The following SEMA3D variants were observed in gnomAD, a reference collection of about 807,000 sequenced individuals.
SEMA3D encodes semaphorin 3D.
In SEMA3D, 84 loss-of-function variants were observed where a neutral mutation model predicts 100.1. The observed-to-expected ratio is 0.84, with a 90% CI of 0.70 to 1.01. The LOEUF is 1.01. SEMA3D is among the 50% of genes least tolerant of loss of function. The pLI is 0.00. For missense variants in SEMA3D, 875 were observed against 934.1 expected (o/e 0.94, Z 0.82); for synonymous variants, 312 against 320.7 (o/e 0.97, Z 0.29).
chr7:85,012,750 T>C (rs1201980844), intron 17 of SEMA3D, 32 bp downstream of exon 17: 1 of 1,532,488 alleles, frequency 6.5e-7, no homozygotes, highest in Admixed American at 1.7e-5. Context: ...GCATTTTAAA[T>C]GGGAGAAAAA....
intron 1 of SEMA3D, among the ~76,000 whole-genome samples, chr7:85,171,553 G>C (rs1260206201): frequency 6.6e-6 from 1 of 151,882 alleles, no homozygotes; most frequent in Non-Finnish European, 1.5e-5. Context: ...CCTTGATCAA[G>C]ATCAACCTTT....
chr7:85,187,987 A>G (rs181653499), upstream of SEMA3D, among the ~76,000 whole-genome samples: 1 of 152,320 alleles, frequency 6.6e-6, no homozygotes, highest in East Asian at 1.9e-4. Context: ...AGGTAGAGAC[A>G]TGGAAAGCAA....
the SEMA3D span, among the ~76,000 whole-genome samples, chr7:85,225,162 AAT>A: frequency 1.5e-4 from 21 of 136,612 alleles, no homozygotes; most frequent in Admixed American, 3.9e-4. Context: ...ATATATAATA[AAT>A]ATATATATAA....
In SEMA3D at chr7:85,167,245, G is replaced by A. The variant is rs541829025; in HGVS notation, c.-172-13506C>T. On this transcript the variant is annotated intron_variant, in intron 1 of 18. Transcript: ENST00000284136. The stretch of plus-strand genomic sequence containing the variant: ...TAGGCTGAAACATTTTGCTTGCAAT[G>A]CCTCATCTGGAGGTCTTGGCTGGTT... The A allele has an allele frequency of 7.6e-5, 75 of 982,908 alleles. No homozygotes were observed. In the African/African-American group the frequency reaches 1.2e-3, roughly 16 times the overall value. 60.9% of individuals were successfully genotyped at this position (982,908 alleles called of 1,614,324 possible).
chr7:85,218,917 C>A, the SEMA3D span, among the ~76,000 whole-genome samples: 1 of 152,120 alleles, frequency 6.6e-6, no homozygotes, highest in Non-Finnish European at 1.5e-5. Context: ...AAGGGATATG[C>A]ATATTTAATG....
intron 12 of SEMA3D, among the ~76,000 whole-genome samples, chr7:85,030,061 C>T (rs773126610): frequency 8.6e-5 from 13 of 151,880 alleles, no homozygotes; most frequent in Admixed American, 2.0e-4. Flanking sequence ...GCAATGCTGG[C>T]GTGAGAAGTC....
chr7:85,029,010 T>C, intron 12 of SEMA3D: 1 of 400,946 alleles, frequency 2.5e-6, no homozygotes, highest in Non-Finnish European at 5.0e-6. Context: ...TGTTTTTGGA[T>C]GTCACTCCTC....
intron 3 of SEMA3D, among the ~76,000 whole-genome samples, chr7:85,109,043 A>G (rs909689364): frequency 1.3e-5 from 2 of 151,942 alleles, no homozygotes; most frequent in Non-Finnish European, 2.9e-5. Context: ...GCTCAACTAC[A>G]ATTATATTCT....
intron 8 of SEMA3D, among the ~76,000 whole-genome samples, chr7:85,060,369 C>G (rs1212280543): frequency 6.6e-6 from 1 of 152,082 alleles, no homozygotes; most frequent in Non-Finnish European, 1.5e-5. Flanking sequence ...TCTTAGAACT[C>G]TGATGTTAGT....
intron 3 of SEMA3D, among the ~76,000 whole-genome samples, chr7:85,110,916 A>G (rs1347502583): frequency 6.6e-6 from 1 of 151,936 alleles, no homozygotes; most frequent in African/African-American, 2.4e-5. Context: ...TGTCACACTC[A>G]CATGCTGCTT....
chr7:85,115,635 T>C (rs894170555), intron 3 of SEMA3D, among the ~76,000 whole-genome samples: 1 of 152,114 alleles, frequency 6.6e-6, no homozygotes, highest in Non-Finnish European at 1.5e-5. Flanking sequence ...GTATTATATA[T>C]AGTCAAATGG....
chr7:85,062,908 A>G (rs979645687), intron 8 of SEMA3D, among the ~76,000 whole-genome samples: 5 of 152,074 alleles, frequency 3.3e-5, no homozygotes, highest in African/African-American at 1.2e-4. Context: ...GTGTAGAGGG[A>G]GAGAATGAAA....
At position 85,055,867 on chromosome 7, in the gene SEMA3D, A is replaced by G. The variant is rs1791303361; in HGVS notation, c.719-8T>C. 3 of 1,487,198 alleles carry G rather than the reference A, an allele frequency of 2.0e-6. No individual in the cohort carries two copies. Among genetic ancestry groups the G allele is most frequent in the Admixed American group, 1.8e-5 (1 of 54,426 alleles). 92.1% of individuals were successfully genotyped at this position (1,487,198 alleles called of 1,614,324 possible). On this transcript the variant is annotated splice_region_variant and splice_polypyrimidine_tract_variant and intron_variant, in intron 8 of 18. Coordinates refer to ENST00000284136, the MANE Select transcript of SEMA3D (RefSeq NM_001384900.1). ...TTCCAATAAATTTTGCTCCTGTTTG[A>G]AAGAAAAGAAGCTATAAATTAAGAT...
At chr7:85,200,598 A>C in the SEMA3D span, among the ~76,000 whole-genome samples, 1 of 152,238 alleles carries the variant, frequency 6.6e-6, no homozygotes, top group Non-Finnish European at 1.5e-5. Context: ...AAAAGTTTGG[A>C]AAATTTGCAT....
At chr7:85,134,397 T>C (rs999403773) in intron 2 of SEMA3D, among the ~76,000 whole-genome samples, 3 of 152,008 alleles carry the variant, frequency 2.0e-5, no homozygotes, top group Non-Finnish European at 4.4e-5. Flanking sequence ...ACCAAAAATG[T>C]TTATGCATAT....
intron 2 of SEMA3D, among the ~76,000 whole-genome samples, chr7:85,152,543 A>G (rs1790460591): frequency 6.6e-6 from 1 of 152,134 alleles, no homozygotes; most frequent in African/African-American, 2.4e-5. Context: ...AGAGCTATTA[A>G]TTATGCCTAT....
chr7:85,081,910 G>A (rs1453552444), intron 4 of SEMA3D, among the ~76,000 whole-genome samples: 1 of 152,154 alleles, frequency 6.6e-6, no homozygotes, highest in Non-Finnish European at 1.5e-5. Flanking sequence ...GAGGCTGTAT[G>A]TACCATGTTT....
chr7:85,021,606 TTAAATATCTATTC>T (rs1348116284), intron 13 of SEMA3D, among the ~76,000 whole-genome samples: 1 of 151,810 alleles, frequency 6.6e-6, no homozygotes, highest in African/African-American at 2.4e-5. Context: ...TTTTGAACTC[TTAAATATCTATTC>T]TAATAAAAAG....
intron 4 of SEMA3D, among the ~76,000 whole-genome samples, chr7:85,094,760 C>T (rs1990107): frequency 0.05 from 7,585 of 151,894 alleles, 584 homozygotes; most frequent in East Asian, 0.28. Context: ...TTCCAGACCC[C>T]GTCCCAGAGA....
Sources: gnomAD v4.1 joint callset for allele counts (sites outside exome capture counted in the v4.1 genomes callset) on GRCh38, gnomAD v4.1.1 for gene constraint, MANE v1.5 for transcripts, NCBI Gene and HGNC (gene_info 2026-07-23, HGNC 2026-07-21) for gene names.